MYO16: variants seen among roughly 807,000 people sequenced by gnomAD.
The protein encoded by MYO16 is unconventional myosin-XVI.
In MYO16, 94 loss-of-function variants were observed where a neutral mutation model predicts 205.3. The observed-to-expected ratio is 0.46, with a 90% CI of 0.39 to 0.54. The LOEUF (loss-of-function observed/expected upper bound fraction) is 0.54. Ranked by LOEUF, MYO16 falls within the 20% of genes least tolerant of loss-of-function variation. MYO16 has a pLI of 0.00. For synonymous variants in MYO16, 988 were observed against 954.0 expected, an observed-to-expected ratio of 1.04 and a Z score of -0.66; for missense variants, 2,315 against 2,387.5, an observed-to-expected ratio of 0.97 and a Z score of 0.63.
intron 1 of MYO16, among the ~76,000 whole-genome samples, chr13:108,653,334 G>A (rs1055978414): frequency 6.6e-6 from 1 of 152,084 alleles, no homozygotes; most frequent in Non-Finnish European, 1.5e-5. Context: ...CATTCTGTAA[G>A]CTGCCTTTTC....
chr13:108,642,707 C>T (rs915861352), intron 1 of MYO16, among the ~76,000 whole-genome samples: 6 of 152,128 alleles, frequency 3.9e-5, no homozygotes, highest in East Asian at 3.9e-4. Flanking sequence ...TGTGAGCCAC[C>T]GTGCCCGGCC....
Position 109,207,241 on chromosome 13 carries a change from T to G in MYO16, c.*405T>G, listed in dbSNP as rs1205238175. 1 of 176,120 alleles carries G rather than the reference T, an allele frequency of 5.7e-6. No homozygotes were observed. Among genetic ancestry groups the G allele is most frequent in the East Asian group, 1.5e-4 (1 of 6,624 alleles). 10.9% of individuals were successfully genotyped at this position (176,120 alleles called of 1,614,324 possible). ...TATTGTACTTCCAATGGTTTTATTA[T>G]AATACAGTATACGGGACATATATTT... is the stretch of plus-strand genomic sequence containing the variant. On this transcript the variant is annotated 3_prime_UTR_variant, in exon 35 of 35. Coordinates refer to ENST00000457511, the MANE Select transcript of MYO16 (RefSeq NM_001198950.3).
chr13:108,519,223 C>T, the MYO16 span, among the ~76,000 whole-genome samples: 2 of 152,112 alleles, frequency 1.3e-5, no homozygotes, highest in Admixed American at 6.5e-5. Context: ...AATCTTGCAT[C>T]GCAGATGGCT....
chr13:108,823,292 T>C lies in MYO16; in HGVS notation c.1097+14T>C, dbSNP rs1876082558. 6.3e-7 allele frequency: 1 copy of C among 1,588,072 alleles called. No individual in the cohort carries two copies. Among genetic ancestry groups the C allele is most frequent in the East Asian group, 2.2e-5 (1 of 44,652 alleles). On this transcript the variant is annotated intron_variant, in intron 9 of 34. Coordinates refer to ENST00000457511, the MANE Select transcript of MYO16 (RefSeq NM_001198950.3). ...GTCGAGTAAGCTGTAAGTGTCTTCC[T>C]GCTTATTCTCTTTTGCCATCTTCTC...
intron 32 of MYO16, among the ~76,000 whole-genome samples, chr13:109,145,641 G>A (rs1877295424): frequency 1.3e-5 from 2 of 152,158 alleles, no homozygotes; most frequent in South Asian, 2.1e-4. Context: ...GTGATGATGT[G>A]GCTAATATTA....
At chr13:108,567,315 C>T in the MYO16 span, among the ~76,000 whole-genome samples, 1 of 152,116 alleles carries the variant, frequency 6.6e-6, no homozygotes, top group South Asian at 2.1e-4. Context: ...AATATAGATA[C>T]TAACTTTAGA....
chr13:109,107,357 G>A (rs1889150169), intron 28 of MYO16, among the ~76,000 whole-genome samples: 1 of 152,140 alleles, frequency 6.6e-6, no homozygotes, highest in South Asian at 2.1e-4. Context: ...GTTAAATTAA[G>A]TTATGATCTT....
intron 27 of MYO16, among the ~76,000 whole-genome samples, chr13:109,087,938 G>A (rs563489021): frequency 9.2e-5 from 14 of 152,246 alleles, no homozygotes; most frequent in Admixed American, 4.6e-4. Flanking sequence ...TCAGTTTAAC[G>A]AAACAAGCTG....
intron 23 of MYO16, among the ~76,000 whole-genome samples, chr13:109,022,225 TTATA>T (rs1183550111): frequency 2.2e-4 from 29 of 133,302 alleles, no homozygotes; most frequent in African/African-American, 8.4e-4. Flanking sequence ...TATTTATATA[TTATA>T]TATATGTATA....
At chr13:108,739,210 G>T (rs1181638151) in intron 4 of MYO16, among the ~76,000 whole-genome samples, 1 of 152,116 alleles carries the variant, frequency 6.6e-6, no homozygotes, top group African/African-American at 2.4e-5. Flanking sequence ...CTCATTAGTT[G>T]ATGCAGTTTC....
chr13:108,652,500 C>G (rs990113609), intron 1 of MYO16, among the ~76,000 whole-genome samples: 1 of 152,112 alleles, frequency 6.6e-6, no homozygotes, highest in African/African-American at 2.4e-5. Flanking sequence ...TGTTATGAAA[C>G]AGATTTCCTG....
chr13:109,106,121 C>T (rs1290070734), intron 28 of MYO16, among the ~76,000 whole-genome samples: 2 of 152,226 alleles, frequency 1.3e-5, no homozygotes, highest in Non-Finnish European at 2.9e-5. Flanking sequence ...GCATGACTAA[C>T]TTCTAGTGCT....
chr13:108,826,194 C>A (rs1283202305), intron 9 of MYO16, among the ~76,000 whole-genome samples: 1 of 152,014 alleles, frequency 6.6e-6, no homozygotes, highest in Non-Finnish European at 1.5e-5. Context: ...TCTATAGTAA[C>A]TAAGACATTG....
intron 2 of MYO16, among the ~76,000 whole-genome samples, chr13:108,701,751 A>G (rs1117190): frequency 0.77 from 117,300 of 151,990 alleles, 45,446 homozygotes; most frequent in East Asian, 0.98. Context: ...TAGATTTACT[A>G]GAGAGGGATT....
chr13:108,500,313 T>A, the MYO16 span, among the ~76,000 whole-genome samples: 6 of 136,006 alleles, frequency 4.4e-5, no homozygotes, highest in East Asian at 1.2e-3. Flanking sequence ...CACTGCAACC[T>A]CTGCCTCCCG....
At chr13:109,181,812 ATTTAT>A (rs1186668883) in intron 34 of MYO16, among the ~76,000 whole-genome samples, 6 of 143,580 alleles carry the variant, frequency 4.2e-5, no homozygotes, top group African/African-American at 1.5e-4. Flanking sequence ...TTATTTATTT[ATTTAT>A]TTTATTTTAT....
At chr13:109,079,526 A>G (rs1264875038) in intron 27 of MYO16, among the ~76,000 whole-genome samples, 1 of 152,180 alleles carries the variant, frequency 6.6e-6, no homozygotes, top group Admixed American at 6.5e-5. Context: ...AGAAAACCAA[A>G]TACCATGTGT....
intron 20 of MYO16, among the ~76,000 whole-genome samples, chr13:108,973,725 A>T (rs1011471533): frequency 6.6e-6 from 1 of 152,224 alleles, no homozygotes. Context: ...TTAGGTGAGT[A>T]CATTCATCCC....
intron 24 of MYO16, among the ~76,000 whole-genome samples, chr13:109,049,725 T>C (rs1430343167): frequency 1.3e-5 from 2 of 150,918 alleles, no homozygotes; most frequent in African/African-American, 4.8e-5. Flanking sequence ...AATAATTATT[T>C]AAGTTGGCTA....
Sources: gnomAD v4.1 joint callset for allele counts (sites outside exome capture counted in the v4.1 genomes callset) on GRCh38, gnomAD v4.1.1 for gene constraint, MANE v1.5 for transcripts, NCBI Gene and HGNC (gene_info 2026-07-23, HGNC 2026-07-21) for gene names.